Variants in ZSCAN1 observed in about 807,000 individuals in gnomAD.
The protein encoded by ZSCAN1 is zinc finger and SCAN domain containing 1, also known as zinc finger and SCAN domain-containing protein 1.
Under a neutral mutation model 23.8 loss-of-function variants are expected in ZSCAN1, and 23 were observed. That is an observed-to-expected ratio of 0.97 (90% CI 0.70 to 1.37). ZSCAN1 has a LOEUF of 1.37. Among genes scored for constraint, ZSCAN1 ranks in the 40% most tolerant of loss-of-function variants. The probability of loss-of-function intolerance (pLI) is 0.00; values close to 1 mark genes in which losing one functional copy is unlikely to be tolerated. For missense variants in ZSCAN1, 575 were observed against 554.0 expected (o/e 1.04, Z -0.38); for synonymous variants, 236 against 232.3 (o/e 1.02, Z -0.15).
chr19:58,047,417 C>A lies in ZSCAN1; in HGVS notation c.466-5073C>A, dbSNP rs893558583. 2.0e-5 allele frequency among the ~76,000 whole-genome samples: 3 copies of A among 152,162 alleles called. No individual in the cohort carries two copies. The highest frequency in any genetic ancestry group is 1.3e-4 in the Admixed American group (2 of 15,276). Reference sequence around the variant, plus strand: ...GAGCTCTTTCTTAACTTTCTATTTTCCCCCAATTCTTTAAGCAGTCGATTG... The same window carrying A: ...GAGCTCTTTCTTAACTTTCTATTTTACCCCAATTCTTTAAGCAGTCGATTG... On this transcript the variant is annotated intron_variant, in intron 4 of 5. Coordinates refer to ENST00000282326, the MANE Select transcript of ZSCAN1 (RefSeq NM_182572.4). This position sits in a 1 kb window ranked among gnomAD's most constrained non-coding sequence, Gnocchi z 4.9.
Position 58,053,825 on chromosome 19 carries a change from T to C in ZSCAN1, c.1001T>C (p.Val334Ala), listed in dbSNP as rs770743447. 3.7e-6 allele frequency: 6 copies of C among 1,613,968 alleles called. No individual in the cohort carries two copies. The highest frequency in any genetic ancestry group is 4.2e-6 in the Non-Finnish European group (5 of 1,180,000). Residue 334 changes from valine (V) to alanine (A), a missense_variant, in exon 6 of 6, where the codon GTC becomes GCC. Val to Ala is a moderately conservative substitution (Grantham distance 64, BLOSUM62 0). Transcript: ENST00000282326. This position sits in a 1 kb window ranked among gnomAD's most constrained non-coding sequence, Gnocchi z 5.8. ...GGCAAGGTCTTCCTGCACAACTCCG[T>C]CCTCACTGAGCATGGCAAGATCCAC... The part of the protein sequence containing the change: ...ECGKVFLHNS[V>A]LTEHGKIHLL...
Position 58,053,325 on chromosome 19 carries a change from G to A in ZSCAN1, c.605-104G>A. 6.9e-7 allele frequency: 1 copy of A among 1,440,204 alleles called. No homozygotes were observed. Among genetic ancestry groups the A allele is most frequent in the Non-Finnish European group, 9.4e-7 (1 of 1,064,626 alleles). The allele number at this position is 1,440,204 out of a possible 1,614,324, so 89.2% of individuals were successfully genotyped here. ...GCCGTATTGAGCAGAGGAAGGGCCT[G>A]GACTTGGCTCAGTCACTGGGGTCCT... On this transcript the variant is annotated intron_variant, in intron 5 of 5. Coordinates refer to ENST00000282326, the MANE Select transcript of ZSCAN1 (RefSeq NM_182572.4). The surrounding 1 kb of genome is among the most constrained non-coding windows in gnomAD (Gnocchi z 5.8).
At position 58,037,955 on chromosome 19, in the gene ZSCAN1, G is replaced by A. The variant is rs775725866; in HGVS notation, c.119G>A (p.Arg40His). The part of the protein sequence containing the change: ...SPRDTEAQRL[R>H]FRQFQYHVAS... The stretch of plus-strand genomic sequence containing the variant: ...AGGGACACCGAAGCCCAGCGTCTGC[G>A]CTTCCGGCAGTTCCAGTACCACGTG... The change falls in exon 3 of 6, where the codon CGC becomes CAC. Residue 40 changes from arginine to histidine, a missense_variant. Coordinates refer to ENST00000282326, the MANE Select transcript of ZSCAN1 (RefSeq NM_182572.4). The A allele has an allele frequency of 4.4e-6, 7 of 1,604,886 alleles. No individual in the cohort carries two copies. The South Asian group carries it at 4.4e-5, about 10-fold the overall frequency.
chr19:58,037,966 T>A lies in ZSCAN1; in HGVS notation c.130T>A (p.Phe44Ile). ...TEAQRLRFRQ[F>I]QYHVASGPHL... The stretch of plus-strand genomic sequence containing the variant: ...AGCCCAGCGTCTGCGCTTCCGGCAG[T>A]TCCAGTACCACGTGGCGAGCGGGCC... Residue 44 changes from phenylalanine to isoleucine, a missense_variant, in exon 3 of 6, where the codon TTC becomes ATC. Transcript: ENST00000282326. 6.2e-7 allele frequency: 1 copy of A among 1,606,054 alleles called. No individual in the cohort carries two copies. Among genetic ancestry groups the A allele is most frequent in the East Asian group, 2.2e-5 (1 of 44,808 alleles).
At chr19:58,044,838 G>A (rs1294455131) in intron 4 of ZSCAN1, 3 of 761,162 alleles carry the variant, frequency 3.9e-6, no homozygotes, top group Admixed American at 4.0e-5. Context: ...GCACCGTGTC[G>A]AGAGCGCCAT....
chr19:58,041,366 T>A (rs761373493), intron 4 of ZSCAN1, among the ~76,000 whole-genome samples: 1 of 152,160 alleles, frequency 6.6e-6, no homozygotes, highest in Non-Finnish European at 1.5e-5. Flanking sequence ...AGGTGCCACG[T>A]GAAGCACACG....
rs767200279 is a variant in ZSCAN1 at position 58,038,215 on chromosome 19, C to T, written c.370+9C>T. On this transcript the variant is annotated intron_variant, in intron 3 of 5. Transcript: ENST00000282326. ...GATGTGCCAGCAGGAAGGTGAGAGG[C>T]GCAGGCTTCCTGCCCCGGGCCGGGC... The T allele has an allele frequency of 1.9e-6, 3 of 1,599,368 alleles. No individual in the cohort carries two copies. The highest frequency in any genetic ancestry group is 2.6e-6 in the Non-Finnish European group (3 of 1,175,322).
chr19:58,052,399 G>A (rs2073862853), intron 4 of ZSCAN1, 91 bp from the exon 5 acceptor site: 1 of 1,592,206 alleles, frequency 6.3e-7, no homozygotes, highest in African/African-American at 1.3e-5. Context: ...GAGCCTTTGG[G>A]GATGACGCCC....
chr19:58,035,154 C>T (rs1259455431), intron 1 of ZSCAN1, among the ~76,000 whole-genome samples: 1 of 152,138 alleles, frequency 6.6e-6, no homozygotes, highest in African/African-American at 2.4e-5. Flanking sequence ...AAGTAGACTT[C>T]TAGGACCCCA....
rs369869031 is a variant in ZSCAN1, at chr19:58,047,187, GC to G, written c.466-5298del. ...CAGAGGCGTCAGGAGACACAGCCTG[GC>G]CCCCTCAGGGCTGAAGATGCCTCCA... is the stretch of plus-strand genomic sequence containing the variant. On this transcript the variant is annotated intron_variant, in intron 4 of 5. Transcript: ENST00000282326. This position sits in a 1 kb window ranked among gnomAD's most constrained non-coding sequence, Gnocchi z 4.9. Among the ~76,000 whole-genome samples the G allele has an allele frequency of 6.1e-4, 93 of 152,316 alleles. No individual in the cohort carries two copies. Among genetic ancestry groups the G allele is most frequent in the African/African-American group, 2.0e-3 (84 of 41,562 alleles).
chr19:58,052,496 G>A lies in ZSCAN1; in HGVS notation c.472G>A (p.Glu158Lys). ...CCTGTGCTTGCCATTCTAGGCGTCT[G>A]AGCTGATTCTGGATGCAGTGGCAGC... Reference protein sequence around the residue: ...RSQKEPSQASELILDAVAAAP... With the variant: ...RSQKEPSQASKLILDAVAAAP... The change falls in exon 5 of 6, where the codon GAG becomes AAG. Residue 158 changes from glutamate to lysine, a missense_variant. By Grantham distance (56) the Glu-to-Lys change is moderately conservative (BLOSUM62 1). Coordinates refer to ENST00000282326, the MANE Select transcript of ZSCAN1 (RefSeq NM_182572.4). 1.2e-6 allele frequency: 2 copies of A among 1,614,166 alleles called. No homozygotes were observed. Among genetic ancestry groups the A allele is most frequent in the South Asian group, 1.1e-5 (1 of 91,086 alleles).
chr19:58,037,774 G>C lies in ZSCAN1; in HGVS notation c.-63G>C. 1 of 1,431,862 alleles carries C rather than the reference G, an allele frequency of 7.0e-7. No individual in the cohort carries two copies. The highest frequency in any genetic ancestry group is 9.1e-7 in the Non-Finnish European group (1 of 1,096,694). The allele number at this position is 1,431,862 out of a possible 1,614,324, so 88.7% of individuals were successfully genotyped here. Reference sequence around the variant, plus strand: ...CCGCCTGCCACACCGGCTCTGTCCGGAGCCACTGGGACTCGGGATCCAGTC... The same window carrying C: ...CCGCCTGCCACACCGGCTCTGTCCGCAGCCACTGGGACTCGGGATCCAGTC... On this transcript the variant is annotated 5_prime_UTR_variant, in exon 3 of 6. Coordinates refer to ENST00000282326, the MANE Select transcript of ZSCAN1 (RefSeq NM_182572.4).
chr19:58,053,531 C>G lies in ZSCAN1; in HGVS notation c.707C>G (p.Ser236Trp), dbSNP rs761346628. ...CTGCGGGCAGAAGGGACTGTGATCT[C>G]GAGCCCCAAGGGTCCAAGTGCTCAG... Reference protein sequence around the residue: ...SDLRAEGTVISSPKGPSAQRI... With the variant: ...SDLRAEGTVIWSPKGPSAQRI... The change falls in exon 6 of 6, where the codon TCG becomes TGG. Residue 236 changes from serine (S) to tryptophan (W), a missense_variant. Ser to Trp is a radical substitution (Grantham distance 177). Coordinates refer to ENST00000282326, the MANE Select transcript of ZSCAN1 (RefSeq NM_182572.4). This position sits in a 1 kb window ranked among gnomAD's most constrained non-coding sequence, Gnocchi z 5.8. 1 of 1,614,032 alleles carries G rather than the reference C, an allele frequency of 6.2e-7. No individual in the cohort carries two copies. The highest frequency in any genetic ancestry group is 8.5e-7 in the Non-Finnish European group (1 of 1,180,052).
Position 58,045,463 on chromosome 19 carries a change from G to C in ZSCAN1, c.465+4919G>C. On this transcript the variant is annotated intron_variant, in intron 4 of 5. Coordinates refer to ENST00000282326, the MANE Select transcript of ZSCAN1 (RefSeq NM_182572.4). This position sits in a 1 kb window ranked among gnomAD's most constrained non-coding sequence, Gnocchi z 4.3. Reference sequence around the variant, plus strand: ...TTCTCTGTGTTTTTCCAGAAGATCCGGGAGACGGGGGAGAGGCCCAGCAAT... The same window carrying C: ...TTCTCTGTGTTTTTCCAGAAGATCCCGGAGACGGGGGAGAGGCCCAGCAAT... 8.2e-7 allele frequency: 1 copy of C among 1,217,956 alleles called. No homozygotes were observed. Among genetic ancestry groups the C allele is most frequent in the Non-Finnish European group, 1.2e-6 (1 of 817,906 alleles). The allele number at this position is 1,217,956 out of a possible 1,614,324, so 75.4% of individuals were successfully genotyped here.
intron 1 of ZSCAN1, among the ~76,000 whole-genome samples, chr19:58,035,181 G>A (rs1416003232): frequency 6.6e-6 from 1 of 151,792 alleles, no homozygotes; most frequent in Non-Finnish European, 1.5e-5. Context: ...CCACAGCATT[G>A]CCCATGGGGG....
chr19:58,050,852 G>A (rs566586523), intron 4 of ZSCAN1, among the ~76,000 whole-genome samples: 1 of 152,060 alleles, frequency 6.6e-6, no homozygotes, highest in South Asian at 2.1e-4. Context: ...TGGTTGCTTG[G>A]TTTGCATCAG....
At chr19:58,038,331 T>G in intron 3 of ZSCAN1, 125 bp downstream of exon 3, 1 of 1,187,176 alleles carries the variant, frequency 8.4e-7, no homozygotes, top group Non-Finnish European at 1.1e-6. Context: ...CCAGCAAACC[T>G]CTCCTGCCCC....
chr19:58,039,770 CAAAAAAAA>C (rs67254346), intron 3 of ZSCAN1, among the ~76,000 whole-genome samples: 80 of 83,272 alleles, frequency 9.6e-4, no homozygotes, highest in Non-Finnish European at 1.6e-3. Context: ...GACTCCGTCT[CAAAAAAAA>C]AAAAAAAAAA....
chr19:58,047,542 G>A lies in ZSCAN1; in HGVS notation c.466-4948G>A, dbSNP rs2073834062. Among the ~76,000 whole-genome samples, 1 of 152,240 alleles carries A rather than the reference G, an allele frequency of 6.6e-6. No individual in the cohort carries two copies. Among genetic ancestry groups the A allele is most frequent in the Non-Finnish European group, 1.5e-5 (1 of 68,046 alleles). ...CCCTAGCCATGGGACTCCCTTGGGTGGTGCTTGGGCTGCGCGCCACGGGGG... is the reference window on the plus strand; with the variant it reads ...CCCTAGCCATGGGACTCCCTTGGGTAGTGCTTGGGCTGCGCGCCACGGGGG... On this transcript the variant is annotated intron_variant, in intron 4 of 5. Coordinates refer to ENST00000282326, the MANE Select transcript of ZSCAN1 (RefSeq NM_182572.4). The surrounding 1 kb of genome is among the most constrained non-coding windows in gnomAD (Gnocchi z 4.9).
Sources: gnomAD v4.1 joint callset for allele counts (sites outside exome capture counted in the v4.1 genomes callset) on GRCh38, gnomAD v4.1.1 for gene constraint, Gnocchi (gnomAD v3.1) non-coding constraint, MANE v1.5 for transcripts, NCBI Gene and HGNC (gene_info 2026-07-23, HGNC 2026-07-21) for gene names.